The following MRAP2 variants were observed in gnomAD, a reference collection of about 807,000 sequenced individuals.
The protein encoded by MRAP2 is melanocortin-2 receptor accessory protein 2.
In MRAP2, 20 loss-of-function variants were observed where a neutral mutation model predicts 17.4. The ratio of observed to expected loss-of-function variants is 1.15; its 90% CI spans 0.81 to 1.67. The LOEUF (loss-of-function observed/expected upper bound fraction) is 1.67. MRAP2 is among the 40% of genes most tolerant of loss of function. MRAP2 has a pLI of 0.00. For missense variants in MRAP2, 238 were observed against 240.0 expected (o/e 0.99, Z 0.05); for synonymous variants, 96 against 88.4 (o/e 1.09, Z -0.48).
the MRAP2 span, among the ~76,000 whole-genome samples, chr6:84,139,609 G>A: frequency 6.6e-6 from 1 of 152,180 alleles, no homozygotes; most frequent in Non-Finnish European, 1.5e-5. Flanking sequence ...AAAACTGGCA[G>A]AAGCTGGTAA....
chr6:84,089,210 T>C lies in MRAP2; in HGVS notation c.347T>C (p.Phe116Ser), dbSNP rs954596600. The change falls in exon 4 of 4, where the codon TTT becomes TCT. Residue 116 changes from phenylalanine (F) to serine (S), a missense_variant. By Grantham distance (155) the Phe-to-Ser change is radical (BLOSUM62 -2). Transcript: ENST00000257776. ...RQGNEESRSL[F>S]HCYINEVERL... is the part of the protein sequence containing the mutation. ...GGCAACGAGGAGTCCAGGTCTCTCT[T>C]TCACTGCTACATCAATGAGGTGGAA... The C allele has an allele frequency of 4.3e-6, 7 of 1,614,198 alleles. No homozygotes were observed. Among genetic ancestry groups the C allele is most frequent in the Non-Finnish European group, 5.9e-6 (7 of 1,180,036 alleles).
At chr6:84,064,022 G>A (rs1246462518) in intron 3 of MRAP2, among the ~76,000 whole-genome samples, 1 of 151,652 alleles carries the variant, frequency 6.6e-6, no homozygotes, top group African/African-American at 2.4e-5. Flanking sequence ...TCCAGCCTGG[G>A]CAACAGAGCC....
chr6:84,129,311 G>A, the MRAP2 span, among the ~76,000 whole-genome samples: 1 of 152,190 alleles, frequency 6.6e-6, no homozygotes, highest in East Asian at 1.9e-4. Flanking sequence ...CCCACCAACA[G>A]TGTAAAAGCA....
Position 84,089,278 on chromosome 6 carries a change from G to C in MRAP2, c.415G>C (p.Asp139His). 6.2e-7 allele frequency: 1 copy of C among 1,614,192 alleles called. No homozygotes were observed. Among genetic ancestry groups the C allele is most frequent in the East Asian group, 2.2e-5 (1 of 44,882 alleles). Residue 139 changes from aspartate to histidine, a missense_variant, in exon 4 of 4, where the codon GAC (aspartate) becomes CAC (histidine). Coordinates refer to ENST00000257776, the MANE Select transcript of MRAP2 (RefSeq NM_138409.4). ...AGCTTGTCACCAGACCACAGCCCTTGACAGTGACGTCCAACTCCAGGAAGC... is the reference window on the plus strand; with the variant it reads ...AGCTTGTCACCAGACCACAGCCCTTCACAGTGACGTCCAACTCCAGGAAGC... Reference protein sequence around the residue: ...AKACHQTTALDSDVQLQEAIR... With the variant: ...AKACHQTTALHSDVQLQEAIR...
the MRAP2 span, among the ~76,000 whole-genome samples, chr6:84,144,403 T>A: frequency 6.6e-6 from 1 of 152,074 alleles, no homozygotes; most frequent in South Asian, 2.1e-4. Flanking sequence ...GTCACAAAAA[T>A]AACCAAATTT....
intron 1 of MRAP2, among the ~76,000 whole-genome samples, chr6:84,044,790 G>A (rs1489274522): frequency 6.6e-6 from 1 of 152,228 alleles, no homozygotes; most frequent in Admixed American, 6.5e-5. Context: ...TGGATGTTGG[G>A]TGTGGGGACA....
chr6:84,101,471 T>C, the MRAP2 span, among the ~76,000 whole-genome samples: 1 of 152,216 alleles, frequency 6.6e-6, no homozygotes, highest in Non-Finnish European at 1.5e-5. Context: ...TCAGGCATTA[T>C]GCAAGTGTGA....
At chr6:84,109,968 A>G in the MRAP2 span, among the ~76,000 whole-genome samples, 12 of 152,244 alleles carry the variant, frequency 7.9e-5, no homozygotes, top group African/African-American at 2.9e-4. Flanking sequence ...TCCATGGTGT[A>G]TATGTGCCAT....
rs188180660 is a variant in MRAP2 at position 84,064,649 on chromosome 6, A to G, written c.227+1657A>G. Reference sequence around the variant, plus strand: ...ACTACAGGCACCCACCACCACGCCCAGCTACTTTTTTGTATTTTTAGTAGA... The same window carrying G: ...ACTACAGGCACCCACCACCACGCCCGGCTACTTTTTTGTATTTTTAGTAGA... On this transcript the variant is annotated intron_variant, in intron 3 of 3. Transcript: ENST00000257776. Among the ~76,000 whole-genome samples the G allele has an allele frequency of 2.8e-3, 427 of 152,116 alleles. 2 individuals are homozygous for G. Among genetic ancestry groups the G allele is most frequent in the East Asian group, 0.02 (104 of 5,132 alleles).
At chr6:84,047,268 G>A (rs1466468140) in intron 1 of MRAP2, among the ~76,000 whole-genome samples, 1 of 151,876 alleles carries the variant, frequency 6.6e-6, no homozygotes, top group African/African-American at 2.4e-5. Flanking sequence ...TCAGCTCACT[G>A]CAGTCTCTGC....
intron 1 of MRAP2, among the ~76,000 whole-genome samples, chr6:84,049,003 T>C (rs1289702024): frequency 1.3e-5 from 2 of 152,084 alleles, no homozygotes; most frequent in Admixed American, 1.3e-4. Context: ...TCTCTGGAAA[T>C]TTTCTCCAGA....
chr6:84,124,537 G>C, the MRAP2 span: 1 of 160,824 alleles, frequency 6.2e-6, no homozygotes, highest in Non-Finnish European at 1.3e-5. Flanking sequence ...GGTACACAGA[G>C]ACATAAAGAT....
chr6:84,079,765 A>G (rs1239078800), intron 3 of MRAP2, among the ~76,000 whole-genome samples: 1 of 152,210 alleles, frequency 6.6e-6, no homozygotes, highest in Non-Finnish European at 1.5e-5. Context: ...TTGAAAGGAA[A>G]AGTGAGGAGG....
intron 1 of MRAP2, among the ~76,000 whole-genome samples, chr6:84,043,157 G>A (rs2099488098): frequency 1.3e-5 from 2 of 152,184 alleles, no homozygotes; most frequent in Non-Finnish European, 2.9e-5. Flanking sequence ...CTTAAAGAGT[G>A]GTTGATTCCC....
At chr6:84,040,738 C>G (rs1370110005) in intron 1 of MRAP2, among the ~76,000 whole-genome samples, 1 of 152,230 alleles carries the variant, frequency 6.6e-6, no homozygotes. Context: ...TTTTACCCTG[C>G]CCTAGAGATC....
chr6:84,121,812 A>G, the MRAP2 span, among the ~76,000 whole-genome samples: 2 of 152,216 alleles, frequency 1.3e-5, no homozygotes, highest in African/African-American at 2.4e-5. Flanking sequence ...TAATGTTAAG[A>G]GGAAAGTTTA....
chr6:84,102,768 C>T, the MRAP2 span, among the ~76,000 whole-genome samples: 1 of 151,592 alleles, frequency 6.6e-6, no homozygotes, highest in Non-Finnish European at 1.5e-5. Context: ...TGAGGAGGAC[C>T]TCGGTGATTA....
chr6:84,112,483 T>G, the MRAP2 span, among the ~76,000 whole-genome samples: 1 of 152,186 alleles, frequency 6.6e-6, no homozygotes, highest in African/African-American at 2.4e-5. Context: ...ATCTATTTGA[T>G]TCTTCTCTCT....
intron 2 of MRAP2, among the ~76,000 whole-genome samples, chr6:84,060,254 C>T (rs1158135010): frequency 1.3e-5 from 2 of 152,180 alleles, no homozygotes; most frequent in Non-Finnish European, 2.9e-5. Context: ...ACTCTGCCGC[C>T]ACCTGCCTTC....
Sources: allele counts gnomAD v4.1 joint callset (sites outside exome capture counted in the v4.1 genomes callset), GRCh38; gene constraint gnomAD v4.1.1; transcripts MANE v1.5; gene names NCBI Gene and HGNC (gene_info 2026-07-23, HGNC 2026-07-21).